Variants in CTBS observed in about 807,000 individuals in gnomAD.
The protein encoded by CTBS is chitobiase.
Under a neutral mutation model 44.3 loss-of-function variants are expected in CTBS, and 35 were observed. The observed-to-expected ratio is 0.79, with a 90% CI of 0.60 to 1.05. The LOEUF is 1.05. Among genes scored for constraint, CTBS ranks in the 50% least tolerant of loss-of-function variants. The pLI, the probability that CTBS is intolerant of heterozygous loss-of-function variation, is 0.00. For synonymous variants in CTBS, 143 were observed against 168.0 expected (o/e 0.85, Z 1.15); for missense variants, 458 against 475.3 (o/e 0.96, Z 0.34).
chr1:84,567,595 T>C (rs1684723956), intron 3 of CTBS, among the ~76,000 whole-genome samples: 1 of 152,172 alleles, frequency 6.6e-6, no homozygotes, highest in Non-Finnish European at 1.5e-5. Context: ...CTTCAAGGCA[T>C]TTATTTGTAG....
chr1:84,566,057 G>T, intron 3 of CTBS, 45 bp from the exon 4 acceptor site: 5 of 1,214,560 alleles, frequency 4.1e-6, no homozygotes, highest in Non-Finnish European at 5.5e-6. Flanking sequence ...GATCACGTGT[G>T]CATATTACGT....
chr1:84,569,560 T>G (rs994473630), intron 3 of CTBS, among the ~76,000 whole-genome samples: 7 of 152,316 alleles, frequency 4.6e-5, no homozygotes, highest in African/African-American at 1.2e-4. Flanking sequence ...ATTCAGAGAC[T>G]GTAGAGCAAG....
At chr1:84,571,788 T>C (rs1647307961) in intron 1 of CTBS, among the ~76,000 whole-genome samples, 1 of 152,152 alleles carries the variant, frequency 6.6e-6, no homozygotes, top group Admixed American at 6.5e-5. Flanking sequence ...GCTAGCCAGA[T>C]GGTGCACGAA....
In CTBS at chr1:84,565,977, T is replaced by G; in HGVS notation, c.561A>C (p.Ile187=). Residue 187 remains isoleucine, a synonymous_variant, in exon 4 of 7, where the codon ATA becomes ATC. Coordinates refer to ENST00000370630, the MANE Select transcript of CTBS (RefSeq NM_004388.3). Reference sequence around the variant, plus strand: ...CAGTATAATTATAGCATCTTCTGTCTATGTTCTTTGGAGACCAAGCTACAT... The same window carrying G: ...CAGTATAATTATAGCATCTTCTGTCGATGTTCTTTGGAGACCAAGCTACAT... ...TFDVAWSPKN[I]DRRCYNYTGI... 1 of 1,578,222 alleles carries G rather than the reference T, an allele frequency of 6.3e-7. No homozygotes were observed. The highest frequency in any genetic ancestry group is 8.6e-7 in the Non-Finnish European group (1 of 1,163,886).
intron 1 of CTBS, among the ~76,000 whole-genome samples, chr1:84,571,809 A>G (rs572731878): frequency 7.2e-5 from 11 of 152,342 alleles, no homozygotes; most frequent in Admixed American, 7.2e-4. Context: ...AACTTTTCTG[A>G]GGACTACACA....
chr1:84,561,828 G>T (rs556713367), intron 6 of CTBS, among the ~76,000 whole-genome samples: 19 of 152,246 alleles, frequency 1.2e-4, no homozygotes, highest in African/African-American at 4.3e-4. Context: ...TTAAATTAAG[G>T]TATGTACTTT....
chr1:84,558,732 C>G (rs532256418), intron 6 of CTBS, among the ~76,000 whole-genome samples: 2 of 152,010 alleles, frequency 1.3e-5, no homozygotes, highest in South Asian at 4.1e-4. Context: ...AAGACCCCGT[C>G]TCTACAAAAA....
chr1:84,551,205 CA>C lies in CTBS; in HGVS notation c.*3793del. 1.0e-6 allele frequency: 1 copy of C among 985,168 alleles called. No homozygotes were observed. The highest frequency in any genetic ancestry group is 1.2e-6 in the Non-Finnish European group (1 of 829,830). 61.0% of individuals were successfully genotyped at this position (985,168 alleles called of 1,614,324 possible). A position where few individuals can be genotyped will look rare whatever the true frequency, so the allele number is the denominator to read the frequency against. ...TACATTTTCATACAAGTACCCACAG[CA>C]AGGCAGGAAAATGAGAACGATAATT... On this transcript the variant is annotated 3_prime_UTR_variant, in exon 7 of 7. Transcript: ENST00000370630.
At position 84,563,364 on chromosome 1, in the gene CTBS, C is replaced by T. The variant is rs374103195; in HGVS notation, c.850G>A (p.Ala284Thr). The change falls in exon 6 of 7, where the codon GCT becomes ACT. Residue 284 changes from alanine to threonine, a missense_variant. Ala to Thr is a moderately conservative substitution (Grantham distance 58, BLOSUM62 0). Coordinates refer to ENST00000370630, the MANE Select transcript of CTBS (RefSeq NM_004388.3). ...VPFRGAPCSDAAGRQVPYKTI... is the reference protein window; with the variant it reads ...VPFRGAPCSDTAGRQVPYKTI... ...TTGTAGGGCACCTGACGTCCTGCAG[C>T]GTCACTACAAGGAGCCCCCCGGAAA... The T allele has an allele frequency of 2.2e-5, 35 of 1,593,962 alleles. No homozygotes were observed. Among genetic ancestry groups the T allele is most frequent in the African/African-American group, 1.9e-4 (14 of 73,686 alleles).
chr1:84,573,916 C>G (rs1033178982), intron 1 of CTBS: 3 of 1,241,486 alleles, frequency 2.4e-6, no homozygotes, highest in Non-Finnish European at 3.0e-6. Context: ...ATTATCCTAC[C>G]TTGTTTGCTT....
intron 1 of CTBS, chr1:84,574,013 T>C: frequency 2.1e-6 from 3 of 1,397,436 alleles, no homozygotes; most frequent in Non-Finnish European, 2.8e-6. Context: ...AACTCTCGCC[T>C]GCCTACGCAG....
rs138861244 is a variant in CTBS, at chr1:84,555,086, G to A, written c.1071C>T (p.Asn357=). The change falls in exon 7 of 7, where the codon AAC becomes AAT. Residue 357 remains asparagine, a synonymous_variant. Coordinates refer to ENST00000370630, the MANE Select transcript of CTBS (RefSeq NM_004388.3). ...RLRGIGMWNA[N]CLDYSGDAVA... is the part of the protein sequence containing the mutation. ...CAGCATCTCCAGAGTAGTCAAGACA[G>A]TTTGCATTCCACATGCCAATGCCCC... 4.4e-3 allele frequency: 7,080 copies of A among 1,613,946 alleles called. 75 individuals are homozygous for A. The highest frequency in any genetic ancestry group is 0.028 in the South Asian group (2,528 of 91,062).
At chr1:84,564,060 C>T (rs1684644622) in intron 4 of CTBS, 3 of 168,042 alleles carry the variant, frequency 1.8e-5, no homozygotes, top group African/African-American at 7.2e-5. Flanking sequence ...CAATTAAGAT[C>T]ATACTGAAAT....
intron 3 of CTBS, 78 bp from the exon 4 acceptor site, chr1:84,566,090 T>G (rs752631826): frequency 6.3e-5 from 53 of 840,380 alleles, no homozygotes; most frequent in Non-Finnish European, 8.7e-5. Context: ...ATTATATATA[T>G]TTTTTACCTT....
rs975055689 is a variant in CTBS, at chr1:84,549,943, G to C, written c.*5056C>G. ...TTCAATATAAGAATTTTTTCACAAA[G>C]CCAGTTTAAAACTCTTAAATAACTT... is the stretch of plus-strand genomic sequence containing the variant. On this transcript the variant is annotated 3_prime_UTR_variant, in exon 7 of 7. Transcript: ENST00000370630. 1.5e-4 allele frequency: 23 copies of C among 151,234 alleles called. No individual in the cohort carries two copies. The highest frequency in any genetic ancestry group is 1.3e-3 in the Admixed American group (19 of 15,192). 9.4% of individuals were successfully genotyped at this position (151,234 alleles called of 1,614,324 possible). A position where few individuals can be genotyped will look rare whatever the true frequency, so the allele number is the denominator to read the frequency against.
intron 2 of CTBS, 94 bp downstream of exon 2, chr1:84,570,488 A>C (rs543243575): frequency 1.9e-6 from 2 of 1,050,216 alleles, no homozygotes; most frequent in South Asian, 3.2e-5. Flanking sequence ...AAAACAGATA[A>C]ACATAAAAGG....
rs904853309 is a variant in CTBS, at chr1:84,553,179, G to C, written c.*1820C>G. 76 of 1,025,496 alleles carry C rather than the reference G, an allele frequency of 7.4e-5. No homozygotes were observed. The highest frequency in any genetic ancestry group is 9.1e-5 in the Non-Finnish European group (65 of 716,936). 63.5% of individuals were successfully genotyped at this position (1,025,496 alleles called of 1,614,324 possible). A position where few individuals can be genotyped will look rare whatever the true frequency, so the allele number is the denominator to read the frequency against. ...AAAAATTTAAATATGTATTTGAACA[G>C]ATTTGTTTAACCATTATTCTCCTTG... On this transcript the variant is annotated 3_prime_UTR_variant, in exon 7 of 7. Transcript: ENST00000370630.
In CTBS at chr1:84,552,170, T is replaced by G. The variant is rs935964178; in HGVS notation, c.*2829A>C. On this transcript the variant is annotated 3_prime_UTR_variant, in exon 7 of 7. Coordinates refer to ENST00000370630, the MANE Select transcript of CTBS (RefSeq NM_004388.3). ...GATCTCCCCAAAACAGCACTACCTATAAGATTCAGAACTAAGGGACAAAAA... is the reference window on the plus strand; with the variant it reads ...GATCTCCCCAAAACAGCACTACCTAGAAGATTCAGAACTAAGGGACAAAAA... The G allele has an allele frequency of 6.6e-6, 1 of 152,172 alleles. No homozygotes were observed. Among genetic ancestry groups the G allele is most frequent in the African/African-American group, 2.4e-5 (1 of 41,440 alleles). The allele number at this position is 152,172 out of a possible 1,614,324, so 9.4% of individuals were successfully genotyped here.
intron 3 of CTBS, among the ~76,000 whole-genome samples, chr1:84,568,379 G>A (rs2911589): frequency 0.4 from 61,096 of 152,094 alleles, 14,868 homozygotes; most frequent in African/African-American, 0.69. Context: ...GGTATTTGCT[G>A]TTCTTAATCT....
Sources: allele counts gnomAD v4.1 joint callset (sites outside exome capture counted in the v4.1 genomes callset), GRCh38; gene constraint gnomAD v4.1.1; transcripts MANE v1.5; gene names NCBI Gene and HGNC (gene_info 2026-07-23, HGNC 2026-07-21).